Variants in ANKRD27 observed in about 807,000 individuals in gnomAD.
ANKRD27 encodes the protein ankyrin repeat domain-containing protein 27.
In ANKRD27, 112 loss-of-function variants were observed where a neutral mutation model predicts 129.7. The observed-to-expected ratio is 0.86, with a 90% confidence interval of 0.74 to 1.01. The LOEUF (loss-of-function observed/expected upper bound fraction) is 1.01. ANKRD27 is among the 50% of genes least tolerant of loss of function. ANKRD27 has a pLI of 0.00. For synonymous variants in ANKRD27, 516 were observed against 511.2 expected (o/e 1.01, Z -0.13); for missense variants, 1,258 against 1,300.5 (o/e 0.97, Z 0.50).
At chr19:32,662,637 G>C (rs191159990) in intron 1 of ANKRD27, among the ~76,000 whole-genome samples, 1 of 152,304 alleles carries the variant, frequency 6.6e-6, no homozygotes, top group Admixed American at 6.5e-5. Flanking sequence ...AACTACTCGG[G>C]AGGCTGACAT....
intron 1 of ANKRD27, chr19:32,673,283 TG>T: frequency 2.0e-6 from 2 of 985,524 alleles, no homozygotes; most frequent in Non-Finnish European, 2.4e-6. Flanking sequence ...CCTGTCCCTA[TG>T]GCTGGTCAGA....
At chr19:32,667,525 A>G (rs996276116) in intron 1 of ANKRD27, among the ~76,000 whole-genome samples, 45 of 152,338 alleles carry the variant, frequency 3.0e-4, no homozygotes, top group Non-Finnish European at 5.7e-4. Context: ...GAAAAATGGT[A>G]TCACTTCCAA....
intron 12 of ANKRD27, among the ~76,000 whole-genome samples, chr19:32,632,666 A>G (rs965055583): frequency 2.0e-5 from 3 of 151,972 alleles, no homozygotes; most frequent in Non-Finnish European, 1.5e-5. Flanking sequence ...AGACAGTTCA[A>G]TGCTTCCTTG....
intron 12 of ANKRD27, among the ~76,000 whole-genome samples, chr19:32,635,580 T>C (rs955131900): frequency 2.0e-5 from 3 of 152,078 alleles, no homozygotes; most frequent in South Asian, 2.1e-4. Context: ...GCTGGGATTA[T>C]AGGCATGAGC....
chr19:32,659,178 G>A (rs568710603), intron 1 of ANKRD27, 133 bp from the exon 2 acceptor site: 7 of 540,752 alleles, frequency 1.3e-5, no homozygotes, highest in Admixed American at 1.1e-4. Flanking sequence ...TCACTCTGTC[G>A]CCCAGGCTGG....
chr19:32,633,552 G>C (rs1186538373), intron 12 of ANKRD27, among the ~76,000 whole-genome samples: 1 of 151,416 alleles, frequency 6.6e-6, no homozygotes, highest in Non-Finnish European at 1.5e-5. Flanking sequence ...TCGAACTCCT[G>C]GCCTCAGGTG....
At position 32,597,929 on chromosome 19, in the gene ANKRD27, A is replaced by G. The variant is rs1006393654; in HGVS notation, c.*216T>C. The G allele has an allele frequency of 1.5e-5, 9 of 583,598 alleles. No individual in the cohort carries two copies. Among genetic ancestry groups the G allele is most frequent in the Non-Finnish European group, 3.1e-6 (1 of 326,674 alleles). 36.2% of individuals were successfully genotyped at this position (583,598 alleles called of 1,614,324 possible). A position where few individuals can be genotyped will look rare whatever the true frequency, so the allele number is the denominator to read the frequency against. On this transcript the variant is annotated 3_prime_UTR_variant, in exon 29 of 29. Transcript: ENST00000306065. ...GCTACTGGAATTTTTGTCTGTTTCAATTGTATTCATTAGCTTTGAAGAGGA... is the reference window on the plus strand; with the variant it reads ...GCTACTGGAATTTTTGTCTGTTTCAGTTGTATTCATTAGCTTTGAAGAGGA...
chr19:32,646,431 G>T (rs74776662), intron 4 of ANKRD27, 28 bp downstream of exon 4: 67,225 of 1,585,506 alleles, frequency 0.042, 2,435 homozygotes, highest in East Asian at 0.21. Context: ...TCTAAAACAG[G>T]AGAAAAAGGT....
At chr19:32,635,789 A>G (rs1315709209) in intron 12 of ANKRD27, among the ~76,000 whole-genome samples, 2 of 152,192 alleles carry the variant, frequency 1.3e-5, no homozygotes, top group Non-Finnish European at 2.9e-5. Context: ...TAATTCTTCA[A>G]CAAGTACCTG....
chr19:32,632,367 C>T (rs1171208504), intron 12 of ANKRD27, among the ~76,000 whole-genome samples: 3 of 151,922 alleles, frequency 2.0e-5, no homozygotes, highest in African/African-American at 7.3e-5. Flanking sequence ...GCGTGGATCA[C>T]TTGAGGTCAG....
intron 2 of ANKRD27, among the ~76,000 whole-genome samples, chr19:32,654,778 T>C (rs1967488240): frequency 6.6e-6 from 1 of 151,496 alleles, no homozygotes; most frequent in Admixed American, 6.6e-5. Flanking sequence ...GTTTGTTTTG[T>C]TTGTTTGTTT....
chr19:32,625,381 C>T (rs1353212995), intron 17 of ANKRD27, among the ~76,000 whole-genome samples: 2 of 151,730 alleles, frequency 1.3e-5, no homozygotes, highest in South Asian at 4.2e-4. Context: ...TAATGAGTGA[C>T]TTGTTTTAAA....
intron 1 of ANKRD27, chr19:32,666,552 C>G (rs1042255860): frequency 6.6e-6 from 1 of 152,154 alleles, no homozygotes; most frequent in Admixed American, 6.6e-5. Context: ...TATAGCTGCT[C>G]CTCATCACCC....
chr19:32,616,826 C>T (rs1192389541), intron 21 of ANKRD27, among the ~76,000 whole-genome samples: 4 of 152,164 alleles, frequency 2.6e-5, no homozygotes, highest in African/African-American at 9.7e-5. Flanking sequence ...CCAGGAGTCC[C>T]AGCTGACCAC....
chr19:32,626,385 G>A (rs1599748321), intron 16 of ANKRD27, among the ~76,000 whole-genome samples: 1 of 152,096 alleles, frequency 6.6e-6, no homozygotes, highest in Non-Finnish European at 1.5e-5. Flanking sequence ...GGTTGCTCAG[G>A]CTGGTCTTGA....
Position 32,597,122 on chromosome 19 carries a change from T to C in ANKRD27, c.*1023A>G, listed in dbSNP as rs557206854. The C allele has an allele frequency of 6.6e-6, 1 of 152,568 alleles. No homozygotes were observed. The highest frequency in any genetic ancestry group is 2.4e-5 in the African/African-American group (1 of 41,554). The allele number at this position is 152,568 out of a possible 1,614,324, so 9.5% of individuals were successfully genotyped here. A position where few individuals can be genotyped will look rare whatever the true frequency, so the allele number is the denominator to read the frequency against. The stretch of plus-strand genomic sequence containing the variant: ...AAAAATAATCCCTCCCTTCCTTCTG[T>C]ACATACACAAGTATTTCCAAGAACA... On this transcript the variant is annotated 3_prime_UTR_variant, in exon 29 of 29. Coordinates refer to ENST00000306065, the MANE Select transcript of ANKRD27 (RefSeq NM_032139.3).
In ANKRD27 at chr19:32,637,821, G is replaced by C. The variant is rs554285651; in HGVS notation, c.1116+1535C>G. On this transcript the variant is annotated intron_variant, in intron 12 of 28. Coordinates refer to ENST00000306065, the MANE Select transcript of ANKRD27 (RefSeq NM_032139.3). ...GCACCGACTTCAATTTCAGAGCAAA[G>C]CTGAGGCCAAGCCCGGGTACTGTTG... 3 of 152,556 alleles carry C rather than the reference G, an allele frequency of 2.0e-5. No homozygotes were observed. The East Asian group carries it at 5.8e-4, about 29-fold the overall frequency. The allele number at this position is 152,556 out of a possible 1,614,324, so 9.5% of individuals were successfully genotyped here.
At position 32,600,059 on chromosome 19, in the gene ANKRD27, A is replaced by G; in HGVS notation, c.2768-9T>C. On this transcript the variant is annotated splice_polypyrimidine_tract_variant and intron_variant, in intron 26 of 28. Coordinates refer to ENST00000306065, the MANE Select transcript of ANKRD27 (RefSeq NM_032139.3). Reference sequence around the variant, plus strand: ...ATACAGTTTTGAGTTCCCTGTAGATAAAAAGATAAACATCTAAAAACTTCA... The same window carrying G: ...ATACAGTTTTGAGTTCCCTGTAGATGAAAAGATAAACATCTAAAAACTTCA... 1 of 1,594,678 alleles carries G rather than the reference A, an allele frequency of 6.3e-7. No homozygotes were observed.
intron 2 of ANKRD27, among the ~76,000 whole-genome samples, chr19:32,656,387 G>A (rs1178584446): frequency 2.0e-5 from 3 of 152,138 alleles, no homozygotes; most frequent in African/African-American, 2.4e-5. Context: ...CCCACCTTGC[G>A]TCCCGTACTT....
Sources: gnomAD v4.1 joint callset for allele counts (sites outside exome capture counted in the v4.1 genomes callset) on GRCh38, gnomAD v4.1.1 for gene constraint, MANE v1.5 for transcripts, NCBI Gene and HGNC (gene_info 2026-07-23, HGNC 2026-07-21) for gene names.